The following LINGO2 variants were observed in gnomAD, a reference collection of about 807,000 sequenced individuals.
LINGO2 encodes the protein leucine rich repeat and Ig domain containing 2.
LINGO2 carries 14 observed loss-of-function variants against 30.6 expected under a neutral mutation model. The observed-to-expected ratio is 0.46, with a 90% CI of 0.30 to 0.72. LINGO2 has a LOEUF of 0.72. LINGO2 is among the 30% of genes least tolerant of loss of function. The probability of loss-of-function intolerance (pLI) is 0.07; values close to 1 mark genes in which losing one functional copy is unlikely to be tolerated. For synonymous variants in LINGO2, 317 were observed against 288.5 expected (o/e 1.10, Z -1.00); for missense variants, 729 against 751.7 (o/e 0.97, Z 0.35).
chr9:28,766,515 T>C, the LINGO2 span, among the ~76,000 whole-genome samples: 10 of 151,162 alleles, frequency 6.6e-5, no homozygotes, highest in East Asian at 1.4e-3. Flanking sequence ...AAAAATAATA[T>C]AAAGATTCCT....
At chr9:28,180,879 G>C (rs1169210758) in intron 4 of LINGO2, among the ~76,000 whole-genome samples, 2 of 151,714 alleles carry the variant, frequency 1.3e-5, no homozygotes, top group African/African-American at 4.8e-5. Context: ...CCTAAAAGAG[G>C]GAAAAACAAT....
intron 1 of LINGO2, among the ~76,000 whole-genome samples, chr9:28,531,319 G>C (rs899710559): frequency 3.3e-5 from 5 of 151,866 alleles, no homozygotes; most frequent in Admixed American, 1.3e-4. Context: ...ACACAATCTC[G>C]GGAGCATTAA....
intron 4 of LINGO2, among the ~76,000 whole-genome samples, chr9:28,161,054 AAC>A (rs771272198): frequency 2.6e-5 from 4 of 152,226 alleles, no homozygotes; most frequent in Non-Finnish European, 2.9e-5. Flanking sequence ...TTGCATCATT[AAC>A]CAGACCAAAC....
chr9:28,085,397 C>G (rs753995536), intron 4 of LINGO2, among the ~76,000 whole-genome samples: 15 of 152,042 alleles, frequency 9.9e-5, no homozygotes, highest in Non-Finnish European at 1.9e-4. Flanking sequence ...TACATATAAC[C>G]TTTAATGGAT....
intron 2 of LINGO2, among the ~76,000 whole-genome samples, chr9:28,404,198 GTTTC>G (rs1402496687): frequency 6.6e-6 from 1 of 151,718 alleles, no homozygotes; most frequent in African/African-American, 2.4e-5. Flanking sequence ...TGTCTTTTTT[GTTTC>G]TTTCTTTCAG....
chr9:29,180,350 C>T, the LINGO2 span, among the ~76,000 whole-genome samples: 3 of 152,184 alleles, frequency 2.0e-5, no homozygotes, highest in Non-Finnish European at 2.9e-5. Context: ...GTGATAGTTT[C>T]CCACGTTATA....
intron 4 of LINGO2, among the ~76,000 whole-genome samples, chr9:28,092,256 T>C (rs1423060793): frequency 4.6e-5 from 7 of 152,158 alleles, no homozygotes; most frequent in Non-Finnish European, 7.3e-5. Context: ...CGTATTTTTA[T>C]TGTGGCACTA....
intron 3 of LINGO2, among the ~76,000 whole-genome samples, chr9:28,356,002 A>G (rs1026516847): frequency 5.3e-5 from 8 of 152,196 alleles, no homozygotes; most frequent in Non-Finnish European, 7.3e-5. Flanking sequence ...TGACACTTAC[A>G]GCATTTAGTT....
intron 2 of LINGO2, among the ~76,000 whole-genome samples, chr9:28,413,966 T>G (rs1822872294): frequency 6.6e-6 from 1 of 151,126 alleles, no homozygotes; most frequent in Admixed American, 6.6e-5. Flanking sequence ...ATTATTTAAT[T>G]CCCATATTAA....
At chr9:28,970,066 A>G in the LINGO2 span, among the ~76,000 whole-genome samples, 2 of 152,102 alleles carry the variant, frequency 1.3e-5, no homozygotes, top group African/African-American at 4.8e-5. Flanking sequence ...GTACGTGGGA[A>G]AAGAAGGATA....
the LINGO2 span, among the ~76,000 whole-genome samples, chr9:29,174,411 C>A: frequency 6.6e-6 from 1 of 152,184 alleles, no homozygotes; most frequent in African/African-American, 2.4e-5. Context: ...TATACTTGGT[C>A]TGACTGTTCT....
chr9:29,128,884 G>A, the LINGO2 span, among the ~76,000 whole-genome samples: 100 of 152,084 alleles, frequency 6.6e-4, no homozygotes, highest in Non-Finnish European at 1.1e-3. Context: ...CACTCAATAA[G>A]TAAATAAGTC....
the LINGO2 span, among the ~76,000 whole-genome samples, chr9:28,964,051 G>C: frequency 6.6e-6 from 1 of 151,710 alleles, no homozygotes; most frequent in Non-Finnish European, 1.5e-5. Context: ...CAAATGATAT[G>C]TGTGCATATA....
intron 5 of LINGO2, among the ~76,000 whole-genome samples, chr9:27,995,207 G>C (rs1194642350): frequency 1.3e-5 from 2 of 152,022 alleles, no homozygotes; most frequent in Non-Finnish European, 2.9e-5. Context: ...TAGTAAATCT[G>C]AACAGACTAA....
At chr9:27,987,587 T>A (rs1288907582) in intron 5 of LINGO2, among the ~76,000 whole-genome samples, 1 of 151,902 alleles carries the variant, frequency 6.6e-6, no homozygotes. Flanking sequence ...GTTAGCTTCG[T>A]ATGCCAAAGT....
chr9:28,250,116 T>A (rs952899036), intron 4 of LINGO2, among the ~76,000 whole-genome samples: 4 of 152,274 alleles, frequency 2.6e-5, no homozygotes, highest in South Asian at 4.1e-4. Flanking sequence ...CCTGTCCTCA[T>A]GGGTCTTAAC....
chr9:28,633,343 C>A (rs569606793), intron 1 of LINGO2, among the ~76,000 whole-genome samples: 5 of 152,016 alleles, frequency 3.3e-5, no homozygotes, highest in Admixed American at 6.6e-5. Context: ...CCAGAGAATA[C>A]CTTTTCCAGA....
the LINGO2 span, among the ~76,000 whole-genome samples, chr9:29,154,355 C>G: frequency 6.7e-6 from 1 of 149,586 alleles, no homozygotes; most frequent in Non-Finnish European, 1.5e-5. Flanking sequence ...GAGGCTGAGG[C>G]AGGAGAATGG....
intron 1 of LINGO2, among the ~76,000 whole-genome samples, chr9:28,549,971 A>C (rs1370655160): frequency 2.6e-5 from 4 of 151,888 alleles, no homozygotes; most frequent in Admixed American, 2.6e-4. Context: ...TTATCTTCAC[A>C]ACATCCTGTT....
Sources: gnomAD v4.1 joint callset for allele counts (sites outside exome capture counted in the v4.1 genomes callset) on GRCh38, gnomAD v4.1.1 for gene constraint, MANE v1.5 for transcripts, NCBI Gene and HGNC (gene_info 2026-07-23, HGNC 2026-07-21) for gene names.